TRIM4: variants seen among roughly 807,000 people sequenced by gnomAD.
TRIM4 encodes the protein tripartite motif containing 4, also known as E3 ubiquitin-protein ligase TRIM4.
TRIM4 carries 29 observed loss-of-function variants against 33.7 expected under a neutral mutation model. That is an observed-to-expected ratio of 0.86 (90% CI 0.64 to 1.17). The LOEUF is 1.17. TRIM4 is among the 50% of genes most tolerant of loss of function. The pLI, the probability that TRIM4 is intolerant of heterozygous loss-of-function variation, is 0.00. For synonymous variants in TRIM4, 224 were observed against 233.0 expected, an observed-to-expected ratio of 0.96 and a Z score of 0.35; for missense variants, 554 against 593.7, an observed-to-expected ratio of 0.93 and a Z score of 0.69.
chr7:99,915,731 G>A (rs893159218), intron 1 of TRIM4, among the ~76,000 whole-genome samples: 2 of 152,318 alleles, frequency 1.3e-5, no homozygotes, highest in South Asian at 2.1e-4. Flanking sequence ...TCCGCCCAGT[G>A]ACCTGGCTCC....
intron 1 of TRIM4, among the ~76,000 whole-genome samples, chr7:99,912,635 A>G (rs561791794): frequency 1.3e-5 from 2 of 152,370 alleles, no homozygotes; most frequent in Admixed American, 6.5e-5. Context: ...AAAAGGAAAT[A>G]AGAATTGATG....
chr7:99,898,647 T>G (rs943168313), intron 5 of TRIM4, among the ~76,000 whole-genome samples: 1 of 152,190 alleles, frequency 6.6e-6, no homozygotes, highest in Non-Finnish European at 1.5e-5. Flanking sequence ...GAGTTGCAAT[T>G]TGGAGACCTC....
chr7:99,893,891 TA>T (rs930144392), intron 5 of TRIM4, among the ~76,000 whole-genome samples: 2 of 151,652 alleles, frequency 1.3e-5, no homozygotes, highest in Non-Finnish European at 2.9e-5. Flanking sequence ...GGACTTTTTT[TA>T]AAAAAAATCA....
At chr7:99,911,404 G>C (rs547630036) in intron 1 of TRIM4, among the ~76,000 whole-genome samples, 49 of 152,168 alleles carry the variant, frequency 3.2e-4, no homozygotes, top group Non-Finnish European at 5.9e-4. Context: ...AAATGCTGGA[G>C]GGTGGCCTGG....
chr7:99,896,079 G>GT (rs1354614589), intron 5 of TRIM4, among the ~76,000 whole-genome samples: 2 of 151,774 alleles, frequency 1.3e-5, no homozygotes, highest in East Asian at 3.9e-4. Flanking sequence ...TGTCCTATAT[G>GT]TTTTCTTCTT....
chr7:99,896,944 G>A (rs563479984), intron 5 of TRIM4, among the ~76,000 whole-genome samples: 2 of 152,364 alleles, frequency 1.3e-5, no homozygotes, highest in African/African-American at 2.4e-5. Context: ...TGTGGCACAG[G>A]CAAGGGTGTA....
At chr7:99,908,197 G>A (rs1237014348) in intron 3 of TRIM4, 2 of 161,160 alleles carry the variant, frequency 1.2e-5, no homozygotes, top group South Asian at 2.0e-4. Flanking sequence ...AAAAATAAGC[G>A]AGAAAGTTAA....
Position 99,916,883 on chromosome 7 carries a change from A to T in TRIM4, c.393+2126T>A, listed in dbSNP as rs141470627. 44 of 721,632 alleles carry T rather than the reference A, an allele frequency of 6.1e-5. No individual in the cohort carries two copies. In the East Asian group the frequency reaches 1.1e-3, roughly 18 times the overall value. The allele number at this position is 721,632 out of a possible 1,614,324, so 44.7% of individuals were successfully genotyped here. On this transcript the variant is annotated intron_variant, in intron 1 of 5. Coordinates refer to ENST00000349062, the MANE Select transcript of TRIM4 (RefSeq NM_033091.3). ...CAATCTTTTTACTATGGCAAACAAG[A>T]TCCTTCATGATAAGGCCCTGCCTTT...
In TRIM4 at chr7:99,892,879, G is replaced by C; in HGVS notation, c.842-133C>G. ...CTCATGACTCCACTGCTGCCCAACT[G>C]ATCCTCAGCCAGGCCTAGCAGGCCA... On this transcript the variant is annotated intron_variant, in intron 5 of 5. Coordinates refer to ENST00000349062, the MANE Select transcript of TRIM4 (RefSeq NM_033091.3). 1.2e-5 allele frequency: 9 copies of C among 780,658 alleles called. 1 individual carries two copies. In the South Asian group the frequency reaches 1.7e-4, roughly 14 times the overall value. The allele number at this position is 780,658 out of a possible 1,614,324, so 48.4% of individuals were successfully genotyped here. A position where few individuals can be genotyped will look rare whatever the true frequency, so the allele number is the denominator to read the frequency against.
chr7:99,918,627 G>C (rs1819616181), intron 1 of TRIM4, among the ~76,000 whole-genome samples: 1 of 151,858 alleles, frequency 6.6e-6, no homozygotes, highest in South Asian at 2.1e-4. Flanking sequence ...GGGGTAATCA[G>C]ATTAAATAAA....
chr7:99,909,579 C>G lies in TRIM4; in HGVS notation c.475G>C (p.Ala159Pro), dbSNP rs762624048. 4 of 1,613,962 alleles carry G rather than the reference C, an allele frequency of 2.5e-6. No individual in the cohort carries two copies. Among genetic ancestry groups the G allele is most frequent in the Non-Finnish European group, 3.4e-6 (4 of 1,179,954 alleles). ...MHLQDVEVKN[A>P]TQWKDKIKSQ... ...TCTGCCATTACCTTCCACTGTGTGGCGTTCTTCACTTCTACATCCTGTAAA... is the reference window on the plus strand; with the variant it reads ...TCTGCCATTACCTTCCACTGTGTGGGGTTCTTCACTTCTACATCCTGTAAA... Residue 159 changes from alanine to proline, a missense_variant, in exon 2 of 6, where the codon GCC becomes CCC. This residue lies in a region of TRIM4 where 31 missense variants were observed against 54.8 expected (regional missense o/e 0.57). Coordinates refer to ENST00000349062, the MANE Select transcript of TRIM4 (RefSeq NM_033091.3).
chr7:99,909,159 CGTGT>C (rs896444916), intron 2 of TRIM4, among the ~76,000 whole-genome samples: 3 of 81,104 alleles, frequency 3.7e-5, no homozygotes, highest in African/African-American at 1.2e-4. Flanking sequence ...TGTGTGTGTG[CGTGT>C]GTGTGTGCAT....
rs2151639027 is a variant in TRIM4, at chr7:99,890,993, C to T, written c.*1170G>A. 1 of 152,270 alleles carries T rather than the reference C, an allele frequency of 6.6e-6. No individual in the cohort carries two copies. The highest frequency in any genetic ancestry group is 6.5e-5 in the Admixed American group (1 of 15,298). 9.4% of individuals were successfully genotyped at this position (152,270 alleles called of 1,614,324 possible). On this transcript the variant is annotated 3_prime_UTR_variant, in exon 6 of 6. Transcript: ENST00000349062. ...TAATTTTTATACTTTTTGCATCTTA[C>T]AAACTTTCTACAATAAGTACACATG...
chr7:99,905,661 G>T (rs1819285359), intron 3 of TRIM4, among the ~76,000 whole-genome samples: 1 of 152,128 alleles, frequency 6.6e-6, no homozygotes, highest in East Asian at 1.9e-4. Context: ...CCCTCCAGTT[G>T]TGACAACCAA....
chr7:99,909,670 G>A lies in TRIM4; in HGVS notation c.394-10C>T. On this transcript the variant is annotated splice_polypyrimidine_tract_variant and intron_variant, in intron 1 of 5. Transcript: ENST00000349062. ...ACTTAAGAAGTTTCTCCTGCCAGCAGAAACACACACAGGTAAGAAAACACA... is the reference window on the plus strand; with the variant it reads ...ACTTAAGAAGTTTCTCCTGCCAGCAAAAACACACACAGGTAAGAAAACACA... 6.3e-7 allele frequency: 1 copy of A among 1,595,476 alleles called. No individual in the cohort carries two copies. Among genetic ancestry groups the A allele is most frequent in the Non-Finnish European group, 8.6e-7 (1 of 1,168,996 alleles).
At chr7:99,906,472 G>A (rs1012399108) in intron 3 of TRIM4, among the ~76,000 whole-genome samples, 14 of 152,012 alleles carry the variant, frequency 9.2e-5, no homozygotes, top group Non-Finnish European at 1.6e-4. Context: ...AATTACAGAC[G>A]TGAGCCACTG....
chr7:99,915,137 A>C (rs1819526615), intron 1 of TRIM4, among the ~76,000 whole-genome samples: 1 of 152,056 alleles, frequency 6.6e-6, no homozygotes, highest in South Asian at 2.1e-4. Flanking sequence ...TTTCTTTCCC[A>C]GCATGCCATC....
intron 5 of TRIM4, among the ~76,000 whole-genome samples, chr7:99,893,879 G>A (rs981824297): frequency 6.6e-6 from 1 of 151,234 alleles, no homozygotes; most frequent in African/African-American, 2.4e-5. Flanking sequence ...TCTTGAGTTT[G>A]AGGACTTTTT....
chr7:99,896,312 G>T (rs564483782), intron 5 of TRIM4, among the ~76,000 whole-genome samples: 52 of 152,250 alleles, frequency 3.4e-4, no homozygotes, highest in African/African-American at 1.2e-3. Flanking sequence ...CCAACTCAGA[G>T]ATCTGCTCCT....
Sources: allele counts gnomAD v4.1 joint callset (sites outside exome capture counted in the v4.1 genomes callset), GRCh38; gene constraint gnomAD v4.1.1; regional missense constraint gnomAD v4.1.1; transcripts MANE v1.5; gene names NCBI Gene and HGNC (gene_info 2026-07-23, HGNC 2026-07-21).